SLC25A48: variants seen among roughly 807,000 people sequenced by gnomAD.
The protein encoded by SLC25A48 is CTC-321K16.1.
Under a neutral mutation model 32.2 loss-of-function variants are expected in SLC25A48, and 29 were observed. The ratio of observed to expected loss-of-function variants is 0.90; its 90% CI spans 0.67 to 1.23. The LOEUF is 1.23. Ranked by LOEUF, SLC25A48 falls within the 50% of genes most tolerant of loss-of-function variation. The pLI, the probability that SLC25A48 is intolerant of heterozygous loss-of-function variation, is 0.00. For missense variants in SLC25A48, 399 were observed against 422.7 expected (o/e 0.94, Z 0.49); for synonymous variants, 164 against 172.3 (o/e 0.95, Z 0.38).
intron 3 of SLC25A48, among the ~76,000 whole-genome samples, chr5:135,689,469 G>C (rs1754093758): frequency 6.6e-6 from 1 of 152,228 alleles, no homozygotes; most frequent in African/African-American, 2.4e-5. Context: ...ATACATTGTT[G>C]AATAAGTGTC....
At chr5:135,598,776 A>C (rs1751718206) in intron 1 of SLC25A48, among the ~76,000 whole-genome samples, 1 of 124,132 alleles carries the variant, frequency 8.1e-6, no homozygotes, top group Non-Finnish European at 1.7e-5. Context: ...TTAACATTTA[A>C]ATGCATTAAA....
chr5:135,685,630 A>G (rs1754005983), intron 3 of SLC25A48, among the ~76,000 whole-genome samples: 1 of 152,032 alleles, frequency 6.6e-6, no homozygotes, highest in Non-Finnish European at 1.5e-5. Flanking sequence ...ACGGGGTTTC[A>G]CCATGTTGGT....
Position 135,880,063 on chromosome 5 carries a change from C to T in SLC25A48, c.909C>T (p.Arg303=), listed in dbSNP as rs780395889. ...ACGAGCTGTCGCTGCAGGCTATCCGCGGGGACCACGCAGTGACGAGCCCAT... is the reference window on the plus strand; with the variant it reads ...ACGAGCTGTCGCTGCAGGCTATCCGTGGGGACCACGCAGTGACGAGCCCAT... The part of the protein sequence containing the change: ...LGYELSLQAI[R]GDHAVTSP The change falls in exon 7 of 8, where the codon CGC becomes CGT. Residue 303 remains arginine, a synonymous_variant. Transcript: ENST00000681962. 35 of 1,535,934 alleles carry T rather than the reference C, an allele frequency of 2.3e-5. No individual in the cohort carries two copies. Among genetic ancestry groups the T allele is most frequent in the South Asian group, 5.9e-5 (5 of 84,060 alleles).
At position 135,886,634 on chromosome 5, in the gene SLC25A48, T is replaced by TATATATATATAA. The variant is rs1554088453; in HGVS notation, c.*8-1395_*8-1394insTATATATAAATA. Among the ~76,000 whole-genome samples, 33 of 29,146 alleles carry TATATATATATAA rather than the reference T, an allele frequency of 1.1e-3. 3 individuals carry two copies. The highest frequency in any genetic ancestry group is 2.0e-3 in the East Asian group (1 of 508). The allele number at this position is 29,146 out of a possible 152,430, so 19.1% of individuals were successfully genotyped here. Reference sequence around the variant, plus strand: ...ATATATATATATATATATATATATATATAAAATATATATATGTGTGTGTGT... The same window carrying TATATATATATAA: ...ATATATATATATATATATATATATATATATATATATAAATAAAATATATATATGTGTGTGTGT... On this transcript the variant is annotated intron_variant, in intron 7 of 7. Coordinates refer to ENST00000681962, the MANE Select transcript of SLC25A48 (RefSeq NM_001349336.2).
At chr5:135,878,644 C>A (rs1338125933) in intron 6 of SLC25A48, among the ~76,000 whole-genome samples, 1 of 152,126 alleles carries the variant, frequency 6.6e-6, no homozygotes, top group Non-Finnish European at 1.5e-5. Flanking sequence ...AGGCCTGCAC[C>A]AACTCTGATA....
chr5:135,840,658 C>G (rs1006356457), intron 1 of SLC25A48, among the ~76,000 whole-genome samples: 2 of 152,196 alleles, frequency 1.3e-5, no homozygotes, highest in African/African-American at 2.4e-5. Context: ...TAGGTAGAGT[C>G]ACACAATACC....
At chr5:135,839,977 C>T (rs1231351911) in intron 1 of SLC25A48, among the ~76,000 whole-genome samples, 1 of 152,214 alleles carries the variant, frequency 6.6e-6, no homozygotes, top group East Asian at 1.9e-4. Context: ...AAACTTCTTT[C>T]CTTTATAAAT....
intron 1 of SLC25A48, among the ~76,000 whole-genome samples, chr5:135,616,294 C>A (rs891750876): frequency 2.6e-5 from 4 of 152,150 alleles, no homozygotes; most frequent in Non-Finnish European, 5.9e-5. Context: ...GTACCGTGCA[C>A]CTGGAAAAGC....
At chr5:135,700,980 A>G (rs12186792) in intron 3 of SLC25A48, among the ~76,000 whole-genome samples, 29,601 of 152,188 alleles carry the variant, frequency 0.19, 3,083 homozygotes, top group Middle Eastern at 0.33. Context: ...CCTTGGAATC[A>G]GGAGGCAGCT....
intron 3 of SLC25A48, among the ~76,000 whole-genome samples, chr5:135,786,494 C>T (rs1470157875): frequency 6.6e-6 from 1 of 151,928 alleles, no homozygotes; most frequent in Admixed American, 6.6e-5. Context: ...CTGTAATATT[C>T]TAGGGGTTGT....
chr5:135,839,566 T>C (rs1758821154), intron 1 of SLC25A48, among the ~76,000 whole-genome samples: 1 of 152,148 alleles, frequency 6.6e-6, no homozygotes, highest in Non-Finnish European at 1.5e-5. Flanking sequence ...GACTTTTGAG[T>C]TAATGCTGAA....
At chr5:135,680,995 CT>C (rs557980798) in intron 3 of SLC25A48, among the ~76,000 whole-genome samples, 243 of 151,214 alleles carry the variant, frequency 1.6e-3, no homozygotes, top group African/African-American at 5.6e-3. Flanking sequence ...TTTTTCTTTC[CT>C]TTTTTTGAGA....
chr5:135,847,054 C>T (rs1253276005), intron 2 of SLC25A48, among the ~76,000 whole-genome samples: 2 of 152,080 alleles, frequency 1.3e-5, no homozygotes, highest in Non-Finnish European at 1.5e-5. Context: ...TCTACATAAC[C>T]AGGAGAGACG....
chr5:135,860,151 A>C (rs1435017864), intron 4 of SLC25A48, among the ~76,000 whole-genome samples: 1 of 152,192 alleles, frequency 6.6e-6, no homozygotes, highest in East Asian at 1.9e-4. Context: ...TAAAGTCAAA[A>C]GGGGGATTGG....
At chr5:135,768,016 T>A (rs1403993764) in intron 3 of SLC25A48, among the ~76,000 whole-genome samples, 1 of 144,304 alleles carries the variant, frequency 6.9e-6, no homozygotes, top group African/African-American at 2.6e-5. Context: ...ACCCTTGTGA[T>A]AATGTTCATA....
At chr5:135,585,981 A>G (rs1323673114) in intron 1 of SLC25A48, among the ~76,000 whole-genome samples, 4 of 152,178 alleles carry the variant, frequency 2.6e-5, no homozygotes, top group African/African-American at 9.7e-5. Flanking sequence ...TGCTTATAGA[A>G]TGCTTACTAT....
At chr5:135,678,109 T>G (rs4597963) in intron 3 of SLC25A48, among the ~76,000 whole-genome samples, 114,586 of 152,044 alleles carry the variant, frequency 0.75, 43,670 homozygotes, top group Middle Eastern at 0.86. Context: ...AAATAGGTTT[T>G]CTATCCCTTT....
At chr5:135,755,836 A>C (rs1755888701) in intron 3 of SLC25A48, among the ~76,000 whole-genome samples, 1 of 145,188 alleles carries the variant, frequency 6.9e-6, no homozygotes, top group African/African-American at 2.6e-5. Flanking sequence ...ATGTCAATGC[A>C]GTGTAGTATT....
At chr5:135,794,698 T>G (rs912175056) in intron 3 of SLC25A48, among the ~76,000 whole-genome samples, 1 of 150,618 alleles carries the variant, frequency 6.6e-6, no homozygotes, top group African/African-American at 2.5e-5. Flanking sequence ...GGGGAGAGGA[T>G]GACATTACTT....
Sources: allele counts gnomAD v4.1 joint callset (sites outside exome capture counted in the v4.1 genomes callset), GRCh38; gene constraint gnomAD v4.1.1; transcripts MANE v1.5; gene names NCBI Gene and HGNC (gene_info 2026-07-23, HGNC 2026-07-21).